Variants in MAP2K5 observed in about 807,000 individuals in gnomAD.
The protein encoded by MAP2K5 is dual specificity mitogen-activated protein kinase kinase 5.
Under a neutral mutation model 83.1 loss-of-function variants are expected in MAP2K5, and 49 were observed. The observed-to-expected ratio is 0.59, with a 90% CI of 0.47 to 0.75. The LOEUF is 0.75. MAP2K5 is among the 30% of genes least tolerant of loss of function. The pLI is 0.00. For synonymous variants in MAP2K5, 202 were observed against 191.8 expected (o/e 1.05, Z -0.44); for missense variants, 457 against 557.5 (o/e 0.82, Z 1.82).
At chr15:67,606,690 A>G (rs2085785484) in intron 8 of MAP2K5, among the ~76,000 whole-genome samples, 1 of 152,200 alleles carries the variant, frequency 6.6e-6, no homozygotes, top group Non-Finnish European at 1.5e-5. Context: ...CAACTAAAAC[A>G]TTAAATTACT....
chr15:67,682,690 G>A (rs563439373), intron 13 of MAP2K5, among the ~76,000 whole-genome samples: 113 of 151,630 alleles, frequency 7.5e-4, no homozygotes, highest in Non-Finnish European at 9.0e-4. Context: ...AAAATTAGCC[G>A]GGCATGGTGG....
chr15:67,666,724 C>T (rs904684133), intron 13 of MAP2K5, among the ~76,000 whole-genome samples: 9 of 152,106 alleles, frequency 5.9e-5, no homozygotes, highest in African/African-American at 2.2e-4. Context: ...GCTGGCCAGC[C>T]CAATTCCTAC....
chr15:67,633,424 C>T (rs564211286), intron 9 of MAP2K5, among the ~76,000 whole-genome samples: 43 of 152,202 alleles, frequency 2.8e-4, no homozygotes, highest in African/African-American at 6.7e-4. Flanking sequence ...ATACATTTTT[C>T]GTAATTTCAT....
chr15:67,687,266 T>A (rs1164936582), intron 13 of MAP2K5, among the ~76,000 whole-genome samples: 1 of 152,208 alleles, frequency 6.6e-6, no homozygotes, highest in Non-Finnish European at 1.5e-5. Flanking sequence ...ATTGGATTGG[T>A]TTCTGGTTCA....
chr15:67,797,762 A>C (rs2090629465), intron 21 of MAP2K5, among the ~76,000 whole-genome samples: 1 of 151,988 alleles, frequency 6.6e-6, no homozygotes, highest in African/African-American at 2.4e-5. Context: ...GGCTCACTGC[A>C]ACCTCTGCCT....
Position 67,562,527 on chromosome 15 carries a change from T to C in MAP2K5, c.185-756T>C, listed in dbSNP as rs149417549. On this transcript the variant is annotated intron_variant, in intron 2 of 21. Transcript: ENST00000178640. The surrounding 1 kb of genome is among the most constrained non-coding windows in gnomAD (Gnocchi z 4.1). ...CTCAAATTTACACATTCTGGTTATGTAGTTTGTGAAGTCTTGTCCTCCAGC... is the reference window on the plus strand; with the variant it reads ...CTCAAATTTACACATTCTGGTTATGCAGTTTGTGAAGTCTTGTCCTCCAGC... Among the ~76,000 whole-genome samples the C allele has an allele frequency of 6.6e-6, 1 of 152,356 alleles. No individual in the cohort carries two copies. The highest frequency in any genetic ancestry group is 1.9e-4 in the East Asian group (1 of 5,190).
At chr15:67,556,559 T>C (rs959780757) in intron 2 of MAP2K5, among the ~76,000 whole-genome samples, 1 of 150,382 alleles carries the variant, frequency 6.6e-6, no homozygotes, top group Non-Finnish European at 1.5e-5. Flanking sequence ...TCTTTCTTTT[T>C]TTTTTTTTTT....
rs543028158 is a variant in MAP2K5, at chr15:67,644,744, G to A, written c.586-1487G>A. ...AGTTAATGAAATAAGATTTCTTCAAGCTTTAACTTTCTGTAACAGGATTAG... is the reference window on the plus strand; with the variant it reads ...AGTTAATGAAATAAGATTTCTTCAAACTTTAACTTTCTGTAACAGGATTAG... On this transcript the variant is annotated intron_variant, in intron 9 of 21. Coordinates refer to ENST00000178640, the MANE Select transcript of MAP2K5 (RefSeq NM_145160.3). This position sits in a 1 kb window ranked among gnomAD's most constrained non-coding sequence, Gnocchi z 4.6. 2.6e-5 allele frequency among the ~76,000 whole-genome samples: 4 copies of A among 151,966 alleles called. No homozygotes were observed. Among genetic ancestry groups the A allele is most frequent in the African/African-American group, 7.2e-5 (3 of 41,412 alleles).
intron 19 of MAP2K5, among the ~76,000 whole-genome samples, chr15:67,756,918 G>T (rs1399373152): frequency 3.3e-5 from 5 of 151,574 alleles, no homozygotes. Flanking sequence ...TGTGTGTATC[G>T]ATACCACATT....
At chr15:67,620,713 A>G (rs2086162115) in intron 8 of MAP2K5, among the ~76,000 whole-genome samples, 2 of 152,230 alleles carry the variant, frequency 1.3e-5, no homozygotes, top group South Asian at 2.1e-4. Context: ...GCTTGATTGA[A>G]GTTAAAACAT....
At chr15:67,788,791 T>C (rs1306655771) in intron 21 of MAP2K5, among the ~76,000 whole-genome samples, 1 of 152,010 alleles carries the variant, frequency 6.6e-6, no homozygotes, top group African/African-American at 2.4e-5. Context: ...CTGGGCAACA[T>C]AGTGAGACCC....
Position 67,624,643 on chromosome 15 carries a change from G to GTGTA in MAP2K5, c.546-6242_546-6241insATGT, listed in dbSNP as rs1430527153. Among the ~76,000 whole-genome samples, 8 of 148,236 alleles carry GTGTA rather than the reference G, an allele frequency of 5.4e-5. No individual in the cohort carries two copies. In the East Asian group the frequency reaches 1.4e-3, roughly 26 times the overall value. On this transcript the variant is annotated intron_variant, in intron 8 of 21. Transcript: ENST00000178640. ...TGTGTGTGTGTGTGTGTGTGTGAGT[G>GTGTA]TGTTTGACGGAGTTTCGCTCTTGTT...
chr15:67,634,455 T>C (rs565363915), intron 9 of MAP2K5, among the ~76,000 whole-genome samples: 1 of 142,474 alleles, frequency 7.0e-6, no homozygotes, highest in East Asian at 2.3e-4. Flanking sequence ...GTCAATTAGA[T>C]CAAGTTGGCT....
chr15:67,564,823 G>C (rs1213583507), intron 3 of MAP2K5, among the ~76,000 whole-genome samples: 1 of 152,192 alleles, frequency 6.6e-6, no homozygotes, highest in Non-Finnish European at 1.5e-5. Flanking sequence ...CCATTGCAGA[G>C]AACTGACATC....
At position 67,640,377 on chromosome 15, in the gene MAP2K5, A is replaced by G. The variant is rs2086686891; in HGVS notation, c.586-5854A>G. On this transcript the variant is annotated intron_variant, in intron 9 of 21. Transcript: ENST00000178640. This position sits in a 1 kb window ranked among gnomAD's most constrained non-coding sequence, Gnocchi z 4.6. ...AATATTTCTTAGCTTTTTTTATATT[A>G]AAGGGTGAAATGGAAGGTTAAGAGT... Among the ~76,000 whole-genome samples, 1 of 152,112 alleles carries G rather than the reference A, an allele frequency of 6.6e-6. No homozygotes were observed. Among genetic ancestry groups the G allele is most frequent in the Non-Finnish European group, 1.5e-5 (1 of 68,030 alleles).
chr15:67,619,261 G>A (rs964514288), intron 8 of MAP2K5, among the ~76,000 whole-genome samples: 5 of 152,074 alleles, frequency 3.3e-5, no homozygotes, highest in Admixed American at 3.3e-4. Context: ...TGTCCCTAAT[G>A]TTGATCAGTC....
intron 16 of MAP2K5, among the ~76,000 whole-genome samples, chr15:67,713,834 T>C (rs2088759771): frequency 1.3e-5 from 2 of 152,216 alleles, no homozygotes; most frequent in Non-Finnish European, 2.9e-5. Context: ...TCATTTTCTT[T>C]CCAATATCAT....
intron 1 of MAP2K5, among the ~76,000 whole-genome samples, chr15:67,545,929 G>A (rs564673021): frequency 6.6e-6 from 1 of 152,292 alleles, no homozygotes; most frequent in Non-Finnish European, 1.5e-5. Flanking sequence ...TCTGTTTCTT[G>A]AGCATCTCTA....
intron 8 of MAP2K5, among the ~76,000 whole-genome samples, chr15:67,605,439 C>A (rs1181264694): frequency 6.6e-6 from 1 of 152,150 alleles, no homozygotes; most frequent in Admixed American, 6.5e-5. Context: ...ATATTATACA[C>A]ATTATACTTC....
Sources: gnomAD v4.1 joint callset for allele counts (sites outside exome capture counted in the v4.1 genomes callset) on GRCh38, gnomAD v4.1.1 for gene constraint, Gnocchi (gnomAD v3.1) non-coding constraint, MANE v1.5 for transcripts, NCBI Gene and HGNC (gene_info 2026-07-23, HGNC 2026-07-21) for gene names.